NR3C2: variants seen among roughly 807,000 people sequenced by gnomAD.
NR3C2 encodes the protein mineralocorticoid receptor.
A neutral mutation model predicts 86.4 loss-of-function variants in NR3C2; 15 were observed. That is an observed-to-expected ratio of 0.17 (90% CI 0.12 to 0.27). The LOEUF (loss-of-function observed/expected upper bound fraction) is 0.27, where lower values mean the gene tolerates loss of function less well. NR3C2 is among the 10% of genes least tolerant of loss of function. NR3C2 has a pLI of 1.00. For missense variants in NR3C2, 960 were observed against 1,195.6 expected (o/e 0.80, Z 2.91); for synonymous variants, 458 against 450.5 (o/e 1.02, Z -0.21).
At chr4:148,426,686 T>C (rs768291880) in intron 2 of NR3C2, among the ~76,000 whole-genome samples, 11 of 152,236 alleles carry the variant, frequency 7.2e-5, no homozygotes, top group Admixed American at 2.6e-4. Context: ...CACTTTAAAC[T>C]GTACTTGAGT....
intron 2 of NR3C2, among the ~76,000 whole-genome samples, chr4:148,332,516 T>C (rs184253364): frequency 2.0e-5 from 3 of 152,226 alleles, no homozygotes; most frequent in Admixed American, 6.5e-5. Context: ...TTCTTAGCAA[T>C]AGTTATCTCT....
At chr4:148,152,761 G>C (rs965908482) in intron 5 of NR3C2, 148 bp from the exon 6 acceptor site, 12 of 764,170 alleles carry the variant, frequency 1.6e-5, no homozygotes, top group Non-Finnish European at 2.7e-5. Flanking sequence ...GTCATTTACA[G>C]AGTGCCCACC....
intron 6 of NR3C2, among the ~76,000 whole-genome samples, chr4:148,150,357 C>G (rs1405433170): frequency 6.6e-6 from 1 of 152,118 alleles, no homozygotes; most frequent in Non-Finnish European, 1.5e-5. Flanking sequence ...AACATATATT[C>G]CTAGTTTGTT....
chr4:148,334,061 T>C (rs1373170152), intron 2 of NR3C2, among the ~76,000 whole-genome samples: 1 of 152,168 alleles, frequency 6.6e-6, no homozygotes, highest in African/African-American at 2.4e-5. Flanking sequence ...GACAATAAGG[T>C]GGACTTCCCA....
At chr4:148,236,552 G>T (rs144586500) in intron 3 of NR3C2, among the ~76,000 whole-genome samples, 1 of 151,992 alleles carries the variant, frequency 6.6e-6, no homozygotes, top group East Asian at 1.9e-4. Flanking sequence ...GGTCAGAAAA[G>T]TTTTGTTTGA....
chr4:148,411,422 CAA>C (rs1472690151), intron 2 of NR3C2, among the ~76,000 whole-genome samples: 1 of 152,112 alleles, frequency 6.6e-6, no homozygotes, highest in African/African-American at 2.4e-5. Flanking sequence ...ATATTACAGA[CAA>C]GGGTAATGTG....
intron 2 of NR3C2, among the ~76,000 whole-genome samples, chr4:148,317,368 AAAAAAAGAAAAAAAAG>A (rs1743249879): frequency 6.6e-6 from 1 of 151,254 alleles, no homozygotes; most frequent in Non-Finnish European, 1.5e-5. Flanking sequence ...AAAAAAAAAG[AAAAAAAGAAAAAAAAG>A]AAAAAAGAAA....
At chr4:148,290,716 T>G (rs1741757928) in intron 2 of NR3C2, among the ~76,000 whole-genome samples, 1 of 152,198 alleles carries the variant, frequency 6.6e-6, no homozygotes, top group African/African-American at 2.4e-5. Context: ...CTGTCATACA[T>G]GAACCTGAAA....
chr4:148,096,604 C>T (rs1731286407), intron 8 of NR3C2, among the ~76,000 whole-genome samples: 3 of 152,098 alleles, frequency 2.0e-5, no homozygotes, highest in Admixed American at 6.5e-5. Flanking sequence ...AAAAAGCAAA[C>T]GGTCTGGCAA....
chr4:148,202,783 C>G (rs540863894), intron 3 of NR3C2, among the ~76,000 whole-genome samples: 6 of 152,260 alleles, frequency 3.9e-5, no homozygotes, highest in South Asian at 4.1e-4. Flanking sequence ...AAGGTTCCCC[C>G]CTCATCCCCC....
At chr4:148,159,935 T>A (rs1734579819) in intron 4 of NR3C2, among the ~76,000 whole-genome samples, 1 of 152,196 alleles carries the variant, frequency 6.6e-6, no homozygotes, top group African/African-American at 2.4e-5. Flanking sequence ...TGTTCCCAGG[T>A]GGCCAGACCC....
At chr4:148,200,615 T>C (rs139607791) in intron 3 of NR3C2, among the ~76,000 whole-genome samples, 2 of 152,332 alleles carry the variant, frequency 1.3e-5, no homozygotes, top group East Asian at 3.9e-4. Context: ...TATCTGACTT[T>C]AGAGAAGTTA....
chr4:148,390,309 A>G (rs1747478875), intron 2 of NR3C2, among the ~76,000 whole-genome samples: 1 of 152,142 alleles, frequency 6.6e-6, no homozygotes, highest in Admixed American at 6.5e-5. Flanking sequence ...GAATGCATGA[A>G]TGTTTGTTCT....
chr4:148,291,650 TTTC>T (rs535500361), intron 2 of NR3C2, among the ~76,000 whole-genome samples: 101 of 152,224 alleles, frequency 6.6e-4, no homozygotes, highest in African/African-American at 2.3e-3. Context: ...GTCTGATTAC[TTTC>T]TTAACATTGT....
intron 2 of NR3C2, among the ~76,000 whole-genome samples, chr4:148,272,950 G>A (rs148268682): frequency 5.9e-5 from 9 of 152,218 alleles, no homozygotes; most frequent in South Asian, 2.1e-4. Flanking sequence ...TGTTTCTTTC[G>A]TTTTAACTGC....
At chr4:148,316,787 T>TTTG (rs1233471626) in intron 2 of NR3C2, among the ~76,000 whole-genome samples, 21 of 152,236 alleles carry the variant, frequency 1.4e-4, no homozygotes, top group Admixed American at 3.3e-4. Flanking sequence ...TTTTTTCTTT[T>TTTG]TTGTTGTTGT....
At chr4:148,232,566 G>A (rs2149838777) in intron 3 of NR3C2, among the ~76,000 whole-genome samples, 1 of 152,194 alleles carries the variant, frequency 6.6e-6, no homozygotes, top group South Asian at 2.1e-4. Context: ...AATTCGTAAG[G>A]GCCCTAAGAT....
chr4:148,169,432 G>T (rs1182967188), intron 4 of NR3C2, among the ~76,000 whole-genome samples: 3 of 151,498 alleles, frequency 2.0e-5, no homozygotes, highest in Non-Finnish European at 4.4e-5. Context: ...TAGAAATTTG[G>T]GAAAGGAACC....
rs1749992131 is a variant in NR3C2 at position 148,435,344 on chromosome 4, G to T, written c.1517C>A (p.Ala506Asp). 3.1e-5 allele frequency: 50 copies of T among 1,614,148 alleles called. No individual in the cohort carries two copies. Among genetic ancestry groups the T allele is most frequent in the Non-Finnish European group, 4.2e-5 (50 of 1,180,034 alleles). Reference sequence around the variant, plus strand: ...AACAATAGCAGAGGAAGGGATGCTGGCCTCTGGGTAATAGCTCCCATCATC... The same window carrying T: ...AACAATAGCAGAGGAAGGGATGCTGTCCTCTGGGTAATAGCTCCCATCATC... ...EPDDGSYYPE[A>D]SIPSSAIVGV... The change falls in exon 2 of 9, where the codon GCC becomes GAC. Residue 506 changes from alanine to aspartate, a missense_variant. Ala to Asp is a moderately radical substitution (Grantham distance 126). Around this residue, in one of 4 missense-constraint regions of NR3C2, gnomAD observed 680 missense variants for 719.0 expected, o/e 0.95. Transcript: ENST00000358102.
Sources: allele counts gnomAD v4.1 joint callset (sites outside exome capture counted in the v4.1 genomes callset), GRCh38; gene constraint gnomAD v4.1.1; regional missense constraint gnomAD v4.1.1; transcripts MANE v1.5; gene names NCBI Gene and HGNC (gene_info 2026-07-23, HGNC 2026-07-21).